SP140: variants seen among roughly 807,000 people sequenced by gnomAD.
SP140 encodes the protein nuclear body protein SP140.
A neutral mutation model predicts 125.0 loss-of-function variants in SP140; 81 were observed. The observed-to-expected ratio is 0.65, with a 90% CI of 0.54 to 0.78. SP140 has a LOEUF of 0.78. Ranked by LOEUF, SP140 falls within the 30% of genes least tolerant of loss-of-function variation. The pLI, the probability that SP140 is intolerant of heterozygous loss-of-function variation, is 0.00. For missense variants in SP140, 858 were observed against 1,037.0 expected, an observed-to-expected ratio of 0.83 and a Z score of 2.37; for synonymous variants, 312 against 354.0, an observed-to-expected ratio of 0.88 and a Z score of 1.33.
At chr2:230,209,325 G>A (rs2044214543) in intron 1 of SP140, among the ~76,000 whole-genome samples, 1 of 152,130 alleles carries the variant, frequency 6.6e-6, no homozygotes, top group African/African-American at 2.4e-5. Context: ...TAACAGAGTT[G>A]TCTGTTATCC....
At chr2:230,248,770 G>A (rs2049902282) in intron 8 of SP140, 115 bp from the exon 9 acceptor site, 2 of 761,164 alleles carry the variant, frequency 2.6e-6, no homozygotes, top group Admixed American at 2.3e-5. Context: ...GTGGAGAAAA[G>A]GCGGAACAAG....
chr2:230,225,932 C>G, intron 1 of SP140, 29 bp downstream of exon 1: 2 of 1,593,404 alleles, frequency 1.3e-6, no homozygotes, highest in Non-Finnish European at 1.7e-6. Flanking sequence ...TCCCGTCTGT[C>G]CTTCATCTCT....
At chr2:230,312,506 G>C in intron 26 of SP140, 80 bp from the exon 27 acceptor site, 3 of 915,998 alleles carry the variant, frequency 3.3e-6, no homozygotes, top group Non-Finnish European at 5.2e-6. Context: ...AAAGACAAGA[G>C]TCCTGATCAT....
At chr2:230,215,005 T>G in intron 3 of SP140, 1 of 1,614,056 alleles carries the variant, frequency 6.2e-7, no homozygotes, top group Non-Finnish European at 8.5e-7. Flanking sequence ...GCAGGTTAAT[T>G]TGACTGAACA....
intron 22 of SP140, among the ~76,000 whole-genome samples, chr2:230,307,990 T>TATATATATATATATACAC (rs869070046): frequency 2.7e-4 from 14 of 52,626 alleles, no homozygotes; most frequent in Non-Finnish European, 2.2e-4. Flanking sequence ...TATATATATA[T>TATATATATATATATACAC]ACACACACAC....
chr2:230,204,136 G>C (rs1276923462), intron 1 of SP140, among the ~76,000 whole-genome samples: 1 of 152,296 alleles, frequency 6.6e-6, no homozygotes, highest in South Asian at 2.1e-4. Flanking sequence ...TATGAAGAAA[G>C]GCAAATCTGG....
At chr2:230,215,699 G>A (rs994532730) in intron 3 of SP140, among the ~76,000 whole-genome samples, 4 of 152,180 alleles carry the variant, frequency 2.6e-5, no homozygotes, top group Admixed American at 6.5e-5. Flanking sequence ...TACTAGGCTC[G>A]GTCAGCGAGT....
In SP140 at chr2:230,225,849, C is replaced by A; in HGVS notation, c.5C>A (p.Ala2Asp). Residue 2 changes from alanine (A) to aspartate (D), a missense_variant, in exon 1 of 27, where the codon GCC (alanine) becomes GAC (aspartate). Physicochemically the swap from Ala to Asp is moderately radical, Grantham distance 126 (BLOSUM62 -2). Transcript: ENST00000392045. ...GTGTGATCCTAGGCCAAGCTCATGG[C>A]CCAGCAGGGCCAGCAGGGGCAGATG... M[A>D]QQGQQGQMAS... is the part of the protein sequence containing the mutation. The A allele has an allele frequency of 6.2e-7, 1 of 1,613,898 alleles. No homozygotes were observed. Among genetic ancestry groups the A allele is most frequent in the Non-Finnish European group, 8.5e-7 (1 of 1,179,808 alleles).
At position 230,302,418 on chromosome 2, in the gene SP140, T is replaced by C. The variant is rs2058370687; in HGVS notation, c.2058+4956T>C. On this transcript the variant is annotated intron_variant, in intron 22 of 26. Coordinates refer to ENST00000392045, the MANE Select transcript of SP140 (RefSeq NM_007237.5). ...CAGAAACAAAAACAAAAACAATTTC[T>C]ACTAGACCTAAGAAATGAGATAGAT... is the stretch of plus-strand genomic sequence containing the variant. Among the ~76,000 whole-genome samples the C allele has an allele frequency of 1.3e-5, 2 of 151,936 alleles. 1 individual carries two copies. Among genetic ancestry groups the C allele is most frequent in the South Asian group, 4.1e-4 (2 of 4,820 alleles).
chr2:230,227,028 C>CT (rs1482444475), intron 1 of SP140, among the ~76,000 whole-genome samples: 1 of 151,924 alleles, frequency 6.6e-6, no homozygotes, highest in African/African-American at 2.4e-5. Flanking sequence ...AATACTACAC[C>CT]TTTTATATCA....
chr2:230,206,682 G>T (rs1199038844), intron 1 of SP140, among the ~76,000 whole-genome samples: 4 of 135,088 alleles, frequency 3.0e-5, no homozygotes, highest in African/African-American at 1.1e-4. Flanking sequence ...ATATTGTGGG[G>T]AATATAACTT....
upstream of SP140, chr2:230,200,693 A>G: frequency 3.2e-6 from 2 of 622,412 alleles, no homozygotes; most frequent in Middle Eastern, 8.6e-4. Flanking sequence ...GACACATTAC[A>G]TAAAATGGAC....
Position 230,266,659 on chromosome 2 carries a change from C to T in SP140, c.1241-2873C>T, listed in dbSNP as rs190714689. On this transcript the variant is annotated intron_variant, in intron 12 of 26. Coordinates refer to ENST00000392045, the MANE Select transcript of SP140 (RefSeq NM_007237.5). The stretch of plus-strand genomic sequence containing the variant: ...GCTCTGAGAATCTTGCAATCGAGCT[C>T]ACCCAGGTTGTTGACATAATCCAGT... 3.2e-4 allele frequency among the ~76,000 whole-genome samples: 48 copies of T among 152,332 alleles called. 2 individuals are homozygous for T. The highest frequency in any genetic ancestry group is 2.2e-3 in the Admixed American group (33 of 15,296).
chr2:230,261,943 G>C (rs538780080), intron 12 of SP140, among the ~76,000 whole-genome samples: 2 of 152,206 alleles, frequency 1.3e-5, no homozygotes, highest in East Asian at 3.9e-4. Flanking sequence ...TCCTGGTGTT[G>C]GTATTAGGGT....
chr2:230,290,900 G>A (rs1028377165), intron 19 of SP140, among the ~76,000 whole-genome samples: 1 of 152,186 alleles, frequency 6.6e-6, no homozygotes, highest in Non-Finnish European at 1.5e-5. Flanking sequence ...TCTCCCTTCT[G>A]GAGTGCCATC....
At chr2:230,201,859 A>AGT (rs2043213975), upstream of SP140, among the ~76,000 whole-genome samples, 1 of 152,236 alleles carries the variant, frequency 6.6e-6, no homozygotes, top group South Asian at 2.1e-4. Context: ...ACTAATATTT[A>AGT]AGAAACTATC....
intron 15 of SP140, among the ~76,000 whole-genome samples, chr2:230,283,461 G>A (rs761686302): frequency 3.9e-5 from 6 of 152,186 alleles, no homozygotes; most frequent in Admixed American, 6.6e-5. Context: ...GAAGGCCATA[G>A]CCACCAGGCT....
intron 1 of SP140, among the ~76,000 whole-genome samples, chr2:230,226,282 G>T (rs2046334229): frequency 6.6e-6 from 1 of 152,254 alleles, no homozygotes; most frequent in African/African-American, 2.4e-5. Context: ...CTTTTTAGAA[G>T]AATTAAAATC....
intron 12 of SP140, among the ~76,000 whole-genome samples, chr2:230,265,109 G>A (rs2149320298): frequency 6.6e-6 from 1 of 152,184 alleles, no homozygotes; most frequent in South Asian, 2.1e-4. Context: ...AGGCATGTCT[G>A]AGCTAAGACT....
Sources: gnomAD v4.1 joint callset for allele counts (sites outside exome capture counted in the v4.1 genomes callset) on GRCh38, gnomAD v4.1.1 for gene constraint, MANE v1.5 for transcripts, NCBI Gene and HGNC (gene_info 2026-07-23, HGNC 2026-07-21) for gene names.